Variants in SGPL1 observed in about 807,000 individuals in gnomAD.
SGPL1 encodes the protein sphingosine-1-phosphate lyase 1.
SGPL1 carries 37 observed loss-of-function variants against 68.9 expected under a neutral mutation model. That is an observed-to-expected ratio of 0.54 (90% confidence interval 0.41 to 0.71). The LOEUF is 0.71. Ranked by LOEUF, SGPL1 falls within the 30% of genes least tolerant of loss-of-function variation. The pLI is 0.00. For missense variants in SGPL1, 551 were observed against 704.6 expected (o/e 0.78, Z 2.47); for synonymous variants, 236 against 248.5 (o/e 0.95, Z 0.47).
chr10:70,842,393 A>C (rs1845730043), intron 2 of SGPL1, among the ~76,000 whole-genome samples: 1 of 152,178 alleles, frequency 6.6e-6, no homozygotes, highest in Admixed American at 6.5e-5. Flanking sequence ...TCCTTTTTAA[A>C]CATGGACTGG....
At chr10:70,843,032 T>A (rs1397265824) in intron 2 of SGPL1, among the ~76,000 whole-genome samples, 2 of 152,242 alleles carry the variant, frequency 1.3e-5, no homozygotes, top group Non-Finnish European at 2.9e-5. Context: ...TTTTATGCAT[T>A]TGCAGCTACT....
At chr10:70,834,334 TGAA>T (rs1442925481) in intron 2 of SGPL1, among the ~76,000 whole-genome samples, 7 of 152,156 alleles carry the variant, frequency 4.6e-5, no homozygotes, top group African/African-American at 1.7e-4. Context: ...GAAAGAATAT[TGAA>T]GAAGAAGATA....
chr10:70,873,814 C>G (rs909697145), intron 12 of SGPL1, among the ~76,000 whole-genome samples: 2 of 152,188 alleles, frequency 1.3e-5, no homozygotes, highest in African/African-American at 4.8e-5. Context: ...ACGGGGGCCT[C>G]ATTTGTAGTT....
At chr10:70,832,619 T>C (rs1457946331) in intron 2 of SGPL1, among the ~76,000 whole-genome samples, 1 of 152,236 alleles carries the variant, frequency 6.6e-6, no homozygotes, top group Non-Finnish European at 1.5e-5. Flanking sequence ...CAAGAAATTA[T>C]CATTTCTAGT....
chr10:70,855,825 G>A (rs1349791689), intron 5 of SGPL1, among the ~76,000 whole-genome samples: 3 of 152,088 alleles, frequency 2.0e-5, no homozygotes, highest in East Asian at 1.9e-4. Flanking sequence ...ACCATGGTAC[G>A]TTTATCAAAA....
intron 2 of SGPL1, among the ~76,000 whole-genome samples, chr10:70,834,909 G>A (rs964706): frequency 0.16 from 23,962 of 152,188 alleles, 2,121 homozygotes; most frequent in Non-Finnish European, 0.2. Context: ...AGGCCTCAAT[G>A]TCTTCATCTG....
At chr10:70,864,134 T>C (rs947792993) in intron 7 of SGPL1, among the ~76,000 whole-genome samples, 3 of 152,108 alleles carry the variant, frequency 2.0e-5, no homozygotes, top group African/African-American at 7.2e-5. Flanking sequence ...TTGCTCAAGG[T>C]ATATAATATT....
chr10:70,850,306 TG>T (rs1845859079), intron 3 of SGPL1, among the ~76,000 whole-genome samples: 2 of 152,286 alleles, frequency 1.3e-5, no homozygotes, highest in African/African-American at 4.8e-5. Context: ...TGAGCCACTG[TG>T]CCTGGCCAGC....
At chr10:70,854,394 C>T (rs753734348) in intron 4 of SGPL1, among the ~76,000 whole-genome samples, 3 of 152,008 alleles carry the variant, frequency 2.0e-5, no homozygotes, top group Non-Finnish European at 2.9e-5. Context: ...AGGCTGGTCT[C>T]GAACTCCTGA....
At chr10:70,843,658 G>GT (rs1845749256) in intron 2 of SGPL1, among the ~76,000 whole-genome samples, 1 of 152,094 alleles carries the variant, frequency 6.6e-6, no homozygotes, top group South Asian at 2.1e-4. Context: ...CAGAGGACAG[G>GT]TTTTTTCTTG....
Position 70,880,931 on chromosome 10 carries a change from C to T in SGPL1, c.*3596C>T, listed in dbSNP as rs899638545. ...AGCCCCTTGGCCTTCTCTGTAGGTT[C>T]TTGGCAGCAATGAGCAGCTTTCACT... On this transcript the variant is annotated 3_prime_UTR_variant, in exon 15 of 15. Transcript: ENST00000373202. 1 of 152,126 alleles carries T rather than the reference C, an allele frequency of 6.6e-6. No individual in the cohort carries two copies. The highest frequency in any genetic ancestry group is 6.5e-5 in the Admixed American group (1 of 15,272). The allele number at this position is 152,126 out of a possible 1,614,324, so 9.4% of individuals were successfully genotyped here.
At chr10:70,854,473 C>G (rs1845931576) in intron 4 of SGPL1, among the ~76,000 whole-genome samples, 1 of 152,176 alleles carries the variant, frequency 6.6e-6, no homozygotes, top group Non-Finnish European at 1.5e-5. Flanking sequence ...CCGCGACCGG[C>G]TGAGTGCATC....
chr10:70,820,457 T>G (rs1845318393), intron 2 of SGPL1: 1 of 152,082 alleles, frequency 6.6e-6, no homozygotes, highest in Non-Finnish European at 1.5e-5. Flanking sequence ...AAAATACATG[T>G]TTTATTATTA....
chr10:70,851,896 A>C (rs1845888131), intron 4 of SGPL1, among the ~76,000 whole-genome samples: 1 of 152,144 alleles, frequency 6.6e-6, no homozygotes, highest in African/African-American at 2.4e-5. Context: ...TAGTTTGCTG[A>C]TCCCAAGTTG....
At position 70,879,230 on chromosome 10, in the gene SGPL1, C is replaced by T. The variant is rs997756203; in HGVS notation, c.*1895C>T. 2.6e-4 allele frequency: 40 copies of T among 152,778 alleles called. No individual in the cohort carries two copies. Among genetic ancestry groups the T allele is most frequent in the African/African-American group, 8.9e-4 (37 of 41,474 alleles). 9.5% of individuals were successfully genotyped at this position (152,778 alleles called of 1,614,324 possible). On this transcript the variant is annotated 3_prime_UTR_variant, in exon 15 of 15. Coordinates refer to ENST00000373202, the MANE Select transcript of SGPL1 (RefSeq NM_003901.4). ...CCAGGCTGGTGTCTTCTAGTTTCCC[C>T]CACTGGGAATGCTGGCTGGGAGAGC...
At chr10:70,825,683 T>G (rs998498165) in intron 2 of SGPL1, among the ~76,000 whole-genome samples, 1 of 152,152 alleles carries the variant, frequency 6.6e-6, no homozygotes, top group African/African-American at 2.4e-5. Flanking sequence ...TCTTGCTGCC[T>G]AGGAATCCCT....
intron 2 of SGPL1, among the ~76,000 whole-genome samples, chr10:70,818,413 C>A (rs963637039): frequency 6.6e-6 from 1 of 152,174 alleles, no homozygotes; most frequent in East Asian, 1.9e-4. Context: ...CGTGAGCCGC[C>A]GTGTCCAGCC....
At chr10:70,824,956 G>A (rs1413826982) in intron 2 of SGPL1, among the ~76,000 whole-genome samples, 4 of 127,448 alleles carry the variant, frequency 3.1e-5, no homozygotes, top group Non-Finnish European at 4.7e-5. Flanking sequence ...TTATTCTGAC[G>A]TTGTTTTTTC....
intron 3 of SGPL1, among the ~76,000 whole-genome samples, chr10:70,847,609 A>G (rs1448457201): frequency 6.6e-6 from 1 of 152,196 alleles, no homozygotes; most frequent in African/African-American, 2.4e-5. Context: ...AGTTTGAACC[A>G]TACAAAATGT....
Sources: allele counts gnomAD v4.1 joint callset (sites outside exome capture counted in the v4.1 genomes callset), GRCh38; gene constraint gnomAD v4.1.1; transcripts MANE v1.5; gene names NCBI Gene and HGNC (gene_info 2026-07-23, HGNC 2026-07-21).